Variants in CHN1 observed in about 807,000 individuals in gnomAD.
The protein encoded by CHN1 is N-chimaerin.
Under a neutral mutation model 59.5 loss-of-function variants are expected in CHN1, and 37 were observed. That is an observed-to-expected ratio of 0.62 (90% CI 0.48 to 0.82). CHN1 has a LOEUF of 0.82. Ranked by LOEUF, CHN1 falls within the 40% of genes least tolerant of loss-of-function variation. The pLI is 0.00. For missense variants in CHN1, 469 were observed against 571.0 expected (o/e 0.82, Z 1.82); for synonymous variants, 206 against 200.4 (o/e 1.03, Z -0.24).
chr2:174,882,135 T>C (rs1018629816), intron 5 of CHN1, among the ~76,000 whole-genome samples: 2 of 152,228 alleles, frequency 1.3e-5, no homozygotes, highest in East Asian at 1.9e-4. Flanking sequence ...TGAAGCTGCA[T>C]AGGCCCAACT....
At chr2:174,938,608 T>C (rs1689568572) in intron 3 of CHN1, among the ~76,000 whole-genome samples, 2 of 152,144 alleles carry the variant, frequency 1.3e-5, no homozygotes, top group East Asian at 3.8e-4. Context: ...AGAAACAAAT[T>C]ATCACCACTA....
intron 1 of CHN1, among the ~76,000 whole-genome samples, chr2:174,991,273 T>C (rs1476544627): frequency 1.3e-5 from 2 of 152,136 alleles, no homozygotes; most frequent in African/African-American, 2.4e-5. Flanking sequence ...CCTAGAAAAG[T>C]CTAAAAGAAG....
chr2:175,001,925 C>T (rs933428204), intron 1 of CHN1, among the ~76,000 whole-genome samples: 10 of 152,336 alleles, frequency 6.6e-5, no homozygotes, highest in Admixed American at 6.5e-4. Flanking sequence ...CCAGTAATTA[C>T]TAGAAAACAT....
At chr2:174,816,933 A>G (rs1476683176) in intron 8 of CHN1, among the ~76,000 whole-genome samples, 1 of 152,024 alleles carries the variant, frequency 6.6e-6, no homozygotes, top group Non-Finnish European at 1.5e-5. Context: ...GTAAAAAGCT[A>G]TCCCAATATC....
At chr2:174,946,522 T>C (rs74854216) in intron 2 of CHN1, among the ~76,000 whole-genome samples, 17 of 152,274 alleles carry the variant, frequency 1.1e-4, no homozygotes, top group African/African-American at 4.1e-4. Context: ...AGGTAATACA[T>C]TGAAACAGTT....
chr2:174,991,335 T>C (rs1462532399), intron 1 of CHN1, among the ~76,000 whole-genome samples: 2 of 152,194 alleles, frequency 1.3e-5, no homozygotes, highest in Non-Finnish European at 2.9e-5. Context: ...ACCTTTAGCA[T>C]GGTCCCCCCA....
intron 10 of CHN1, among the ~76,000 whole-genome samples, chr2:174,809,934 T>C (rs1685020268): frequency 6.6e-6 from 1 of 152,228 alleles, no homozygotes; most frequent in African/African-American, 2.4e-5. Flanking sequence ...TAATGGCAAC[T>C]GCTGACCTCA....
chr2:174,818,309 A>G (rs1392371060), intron 8 of CHN1, among the ~76,000 whole-genome samples: 6 of 152,218 alleles, frequency 3.9e-5, no homozygotes, highest in Non-Finnish European at 1.5e-5. Context: ...CTGGATATGA[A>G]GTCTTTGCCA....
intron 4 of CHN1, among the ~76,000 whole-genome samples, chr2:174,917,998 A>G (rs1688897536): frequency 1.3e-5 from 2 of 152,120 alleles, no homozygotes; most frequent in South Asian, 2.1e-4. Context: ...CTATAAAATG[A>G]TATGTATAAT....
At chr2:174,999,195 A>C (rs976759048) in intron 1 of CHN1, among the ~76,000 whole-genome samples, 16 of 152,232 alleles carry the variant, frequency 1.1e-4, no homozygotes, top group Middle Eastern at 3.4e-3. Context: ...CATAGAAATT[A>C]TTTTCTATGT....
chr2:174,872,946 C>T (rs1013819397), intron 6 of CHN1, among the ~76,000 whole-genome samples: 1 of 152,060 alleles, frequency 6.6e-6, no homozygotes, highest in Non-Finnish European at 1.5e-5. Flanking sequence ...CCATAATCCC[C>T]ATTTTAGAGA....
intron 5 of CHN1, among the ~76,000 whole-genome samples, chr2:174,914,767 C>T (rs760950856): frequency 4.1e-5 from 6 of 146,806 alleles, no homozygotes; most frequent in South Asian, 2.1e-4. Context: ...AGCTTGAACC[C>T]GGAAGCAGAG....
intron 6 of CHN1, among the ~76,000 whole-genome samples, chr2:174,848,558 A>G (rs1272184388): frequency 6.6e-5 from 10 of 152,182 alleles, no homozygotes; most frequent in African/African-American, 2.4e-4. Flanking sequence ...ATGTATTTAA[A>G]TGGATTCAGT....
In CHN1 at chr2:174,817,178, C is replaced by A. The variant is rs183290400; in HGVS notation, c.713-4696G>T. Among the ~76,000 whole-genome samples the A allele has an allele frequency of 4.4e-3, 673 of 152,184 alleles. 6 individuals are homozygous for A. The highest frequency in any genetic ancestry group is 0.015 in the African/African-American group (634 of 41,518). On this transcript the variant is annotated intron_variant, in intron 8 of 12. Coordinates refer to ENST00000409900, the MANE Select transcript of CHN1 (RefSeq NM_001822.7). ...TATTTGCTATTTTCAACCTCTTATTCAAAAATGTATATTGTACCCATTATT... is the reference window on the plus strand; with the variant it reads ...TATTTGCTATTTTCAACCTCTTATTAAAAAATGTATATTGTACCCATTATT...
intron 1 of CHN1, among the ~76,000 whole-genome samples, chr2:174,978,015 G>C (rs1440668622): frequency 6.6e-6 from 1 of 152,118 alleles, no homozygotes; most frequent in Non-Finnish European, 1.5e-5. Flanking sequence ...GTAATGAAAT[G>C]TCAAAGTATA....
chr2:174,910,390 A>ATT (rs963113328), intron 5 of CHN1, among the ~76,000 whole-genome samples: 1 of 148,122 alleles, frequency 6.8e-6, no homozygotes, highest in African/African-American at 2.5e-5. Flanking sequence ...TTGATAAAGA[A>ATT]TTTTTTTTTT....
intron 5 of CHN1, among the ~76,000 whole-genome samples, chr2:174,890,819 T>A (rs1688021130): frequency 6.6e-6 from 1 of 152,098 alleles, no homozygotes; most frequent in African/African-American, 2.4e-5. Flanking sequence ...CCAGGTTAGA[T>A]CATGTGTTAG....
intron 1 of CHN1, among the ~76,000 whole-genome samples, chr2:174,960,354 G>A (rs1414560400): frequency 6.6e-6 from 1 of 152,212 alleles, no homozygotes; most frequent in Non-Finnish European, 1.5e-5. Context: ...GATTAAGTAT[G>A]ATTAAGTATT....
rs1259373016 is a variant in CHN1, at chr2:174,800,248, C to G, written c.1248G>C (p.Glu416Asp). Residue 416 changes from glutamate to aspartate, a missense_variant, in exon 13 of 13, where the codon GAG (glutamate) becomes GAC (aspartate). Physicochemically the swap from Glu to Asp is conservative, Grantham distance 45. This residue lies in a region of CHN1 where 225 missense variants were observed against 289.9 expected (regional missense o/e 0.78). Transcript: ENST00000409900. ...LHEKENLMNA[E>D]NLGIVFGPTL... is the part of the protein sequence containing the mutation. ...TGGGTCCAAAGACGATTCCAAGGTT[C>G]TCTGCATTCATAAGATTCTCCTTTT... 1.4e-6 allele frequency: 2 copies of G among 1,457,012 alleles called. No homozygotes were observed. The highest frequency in any genetic ancestry group is 5.0e-5 in the Admixed American group (2 of 40,226). The allele number at this position is 1,457,012 out of a possible 1,614,324, so 90.3% of individuals were successfully genotyped here.
Sources: allele counts gnomAD v4.1 joint callset (sites outside exome capture counted in the v4.1 genomes callset), GRCh38; gene constraint gnomAD v4.1.1; regional missense constraint gnomAD v4.1.1; transcripts MANE v1.5; gene names NCBI Gene and HGNC (gene_info 2026-07-23, HGNC 2026-07-21).